Variants in ESRRG observed in about 807,000 individuals in gnomAD.
ESRRG encodes estrogen-related receptor gamma.
ESRRG carries 13 observed loss-of-function variants against 44.0 expected under a neutral mutation model. That is an observed-to-expected ratio of 0.30 (90% CI 0.19 to 0.47). ESRRG has a LOEUF of 0.47. Ranked by LOEUF, ESRRG falls within the 20% of genes least tolerant of loss-of-function variation. ESRRG has a pLI of 1.00. For synonymous variants in ESRRG, 215 were observed against 214.6 expected (o/e 1.00, Z -0.02); for missense variants, 395 against 580.6 (o/e 0.68, Z 3.29).
chr1:216,681,196 C>T (rs1212035145), intron 1 of ESRRG, among the ~76,000 whole-genome samples: 1 of 152,050 alleles, frequency 6.6e-6, no homozygotes, highest in Admixed American at 6.6e-5. Flanking sequence ...TAACTAACTC[C>T]CTTCCCAAAA....
intron 2 of ESRRG, among the ~76,000 whole-genome samples, chr1:216,769,040 C>A (rs2093256297): frequency 6.6e-6 from 1 of 150,466 alleles, no homozygotes; most frequent in Admixed American, 6.6e-5. Context: ...ACATGAGAAG[C>A]ATGGAATAGA....
chr1:217,027,203 C>T (rs2081356080), intron 1 of ESRRG, among the ~76,000 whole-genome samples: 1 of 152,078 alleles, frequency 6.6e-6, no homozygotes, highest in Non-Finnish European at 1.5e-5. Flanking sequence ...TATAGTAATT[C>T]CAGAAAAGCC....
intron 2 of ESRRG, among the ~76,000 whole-genome samples, chr1:216,769,100 T>C (rs2093261417): frequency 6.6e-6 from 1 of 152,076 alleles, no homozygotes; most frequent in Non-Finnish European, 1.5e-5. Context: ...AAAGATTGCC[T>C]CCTGACCTCA....
At chr1:216,937,970 T>C (rs2064445975) in intron 2 of ESRRG, among the ~76,000 whole-genome samples, 1 of 152,112 alleles carries the variant, frequency 6.6e-6, no homozygotes, top group Non-Finnish European at 1.5e-5. Context: ...GGTGTTTTTC[T>C]TGGGAAACTC....
intron 2 of ESRRG, among the ~76,000 whole-genome samples, chr1:216,812,857 A>C (rs2095019121): frequency 6.6e-6 from 1 of 152,222 alleles, no homozygotes; most frequent in African/African-American, 2.4e-5. Context: ...TGACCAAAAA[A>C]CATGAATTTA....
intron 2 of ESRRG, among the ~76,000 whole-genome samples, chr1:216,758,492 G>A (rs1304022990): frequency 6.6e-6 from 1 of 151,616 alleles, no homozygotes; most frequent in African/African-American, 2.4e-5. Context: ...GGATTTCTTT[G>A]TCCAAATACT....
At chr1:217,003,313 T>C (rs2789566) in intron 1 of ESRRG, among the ~76,000 whole-genome samples, 54,274 of 151,790 alleles carry the variant, frequency 0.36, 12,040 homozygotes, top group African/African-American at 0.62. Flanking sequence ...ACTAATCAAG[T>C]CTCAGTTTCT....
intron 1 of ESRRG, among the ~76,000 whole-genome samples, chr1:216,716,828 AG>A (rs1038492039): frequency 3.0e-4 from 46 of 152,038 alleles, no homozygotes; most frequent in Middle Eastern, 3.4e-3. Context: ...AATTCCATAT[AG>A]CCATAGGTTG....
intron 3 of ESRRG, among the ~76,000 whole-genome samples, chr1:216,591,136 A>C (rs924236912): frequency 1.3e-5 from 2 of 152,224 alleles, no homozygotes; most frequent in Non-Finnish European, 2.9e-5. Context: ...TGGTCACCAG[A>C]AATACCAAGT....
chr1:216,987,134 T>C (rs562917955), intron 1 of ESRRG, among the ~76,000 whole-genome samples: 39 of 152,368 alleles, frequency 2.6e-4, no homozygotes, highest in Non-Finnish European at 5.0e-4. Context: ...CTGGATTTTT[T>C]AAAAGTTGTG....
chr1:217,045,997 C>T (rs1267372403), intron 1 of ESRRG, among the ~76,000 whole-genome samples: 3 of 151,810 alleles, frequency 2.0e-5, no homozygotes, highest in Non-Finnish European at 4.4e-5. Flanking sequence ...AATAATAATT[C>T]TGCTAAATGA....
chr1:217,060,814 A>AGATAGAT lies in ESRRG; in HGVS notation c.-106+28686_-106+28692dup, dbSNP rs1553266109. On this transcript the variant is annotated intron_variant, in intron 1 of 7. Transcript: ENST00000359162. ...TAGATAGATAGATAGATAGATAGAT[A>AGATAGAT]GATAGATAGATAGATAGAAAAAAGG... is the stretch of plus-strand genomic sequence containing the variant. Among the ~76,000 whole-genome samples, 7 of 60,336 alleles carry AGATAGAT rather than the reference A, an allele frequency of 1.2e-4. No individual in the cohort carries two copies. The East Asian group carries it at 2.7e-3, about 24-fold the overall frequency. 39.6% of individuals were successfully genotyped at this position (60,336 alleles called of 152,430 possible).
At chr1:216,850,817 A>C (rs1250821593) in intron 2 of ESRRG, among the ~76,000 whole-genome samples, 1 of 152,146 alleles carries the variant, frequency 6.6e-6, no homozygotes, top group East Asian at 1.9e-4. Flanking sequence ...CTATTGATGA[A>C]TCATTTACCA....
chr1:216,543,549 C>G (rs1202432409), intron 5 of ESRRG, among the ~76,000 whole-genome samples: 2 of 151,886 alleles, frequency 1.3e-5, no homozygotes, highest in African/African-American at 4.8e-5. Flanking sequence ...TTAATTGTTG[C>G]CTCTTAGAGG....
chr1:216,617,461 T>C (rs1182775143), intron 3 of ESRRG, among the ~76,000 whole-genome samples: 1 of 150,970 alleles, frequency 6.6e-6, no homozygotes, highest in Non-Finnish European at 1.5e-5. Flanking sequence ...ATCATAGGCA[T>C]ATTAGATGTA....
chr1:216,761,982 T>C (rs2092803085), intron 2 of ESRRG, among the ~76,000 whole-genome samples: 1 of 152,132 alleles, frequency 6.6e-6, no homozygotes, highest in Admixed American at 6.6e-5. Context: ...ACAATAACAA[T>C]AGTCATACCA....
At chr1:216,785,805 G>C (rs918318775) in intron 2 of ESRRG, among the ~76,000 whole-genome samples, 1 of 152,006 alleles carries the variant, frequency 6.6e-6, no homozygotes, top group South Asian at 2.1e-4. Context: ...TCAATGTTAA[G>C]TGTGGGAAAG....
chr1:216,892,823 G>A (rs1004504049), intron 2 of ESRRG, among the ~76,000 whole-genome samples: 3 of 151,932 alleles, frequency 2.0e-5, no homozygotes, highest in African/African-American at 7.3e-5. Context: ...TCCACCACCC[G>A]CCCTGCTTGG....
At chr1:216,627,690 G>A (rs1019198185) in intron 3 of ESRRG, among the ~76,000 whole-genome samples, 2 of 152,040 alleles carry the variant, frequency 1.3e-5, no homozygotes, top group African/African-American at 2.4e-5. Flanking sequence ...GCTCAAAAAC[G>A]GCTACTCCAT....
Sources: gnomAD v4.1 joint callset for allele counts (sites outside exome capture counted in the v4.1 genomes callset) on GRCh38, gnomAD v4.1.1 for gene constraint, MANE v1.5 for transcripts, NCBI Gene and HGNC (gene_info 2026-07-23, HGNC 2026-07-21) for gene names.